DCT: variants seen among roughly 807,000 people sequenced by gnomAD.
DCT encodes the protein L-dopachrome tautomerase.
Under a neutral mutation model 53.0 loss-of-function variants are expected in DCT, and 47 were observed. The observed-to-expected ratio is 0.89, with a 90% CI of 0.70 to 1.13. The LOEUF (loss-of-function observed/expected upper bound fraction) is 1.13. Ranked by LOEUF, DCT falls within the 50% of genes most tolerant of loss-of-function variation. The probability of loss-of-function intolerance (pLI) is 0.00; values close to 1 mark genes in which losing one functional copy is unlikely to be tolerated. For synonymous variants in DCT, 244 were observed against 237.0 expected, an observed-to-expected ratio of 1.03 and a Z score of -0.27; for missense variants, 669 against 637.4, an observed-to-expected ratio of 1.05 and a Z score of -0.53.
In DCT at chr13:94,440,044, T is replaced by C; in HGVS notation, c.1414A>G (p.Thr472Ala). 6.2e-7 allele frequency: 1 copy of C among 1,613,052 alleles called. No homozygotes were observed. Among genetic ancestry groups the C allele is most frequent in the South Asian group, 1.1e-5 (1 of 90,958 alleles). The change falls in exon 8 of 8, where the codon ACT becomes GCT. Residue 472 changes from threonine to alanine, a missense_variant. Thr to Ala is a moderately conservative substitution (Grantham distance 58). Coordinates refer to ENST00000377028, the MANE Select transcript of DCT (RefSeq NM_001922.5). ...AGTGTTCCCATGACTACTAAGAGAG[T>C]TGTGGGCCAACCTGGAGTTTCTTCA... ...SVEETPGWPT[T>A]LLVVMGTLVA...
the DCT span, among the ~76,000 whole-genome samples, chr13:94,493,654 C>A: frequency 0.027 from 4,053 of 152,180 alleles, 167 homozygotes; most frequent in African/African-American, 0.093. Context: ...GGGCTACATA[C>A]GATATGATTC....
chr13:94,440,974 C>A (rs975073325), intron 7 of DCT, among the ~76,000 whole-genome samples: 1 of 152,104 alleles, frequency 6.6e-6, no homozygotes, highest in African/African-American at 2.4e-5. Flanking sequence ...AGCTACTGCA[C>A]CTGGCCGAAT....
rs1882042140 is a variant in DCT, at chr13:94,438,375, C to A, written c.*1523G>T. The A allele has an allele frequency of 4.2e-6, 1 of 235,586 alleles. No individual in the cohort carries two copies. Among genetic ancestry groups the A allele is most frequent in the African/African-American group, 2.3e-5 (1 of 43,542 alleles). 14.6% of individuals were successfully genotyped at this position (235,586 alleles called of 1,614,324 possible). On this transcript the variant is annotated 3_prime_UTR_variant, in exon 8 of 8. Transcript: ENST00000377028. ...AGCCTGCTCTCAGATGCACCTGTAG[C>A]TTTATGAGATTCAAATTCAGTTCCA...
intron 4 of DCT, among the ~76,000 whole-genome samples, 161 bp from the exon 5 acceptor site, chr13:94,462,350 A>C (rs1883869416): frequency 6.6e-6 from 1 of 151,982 alleles, no homozygotes. Flanking sequence ...AAATACAAAA[A>C]TTAGCTAGGC....
chr13:94,472,527 T>TAC, intron 1 of DCT, among the ~76,000 whole-genome samples: 1 of 7,138 alleles, frequency 1.4e-4, no homozygotes, highest in Non-Finnish European at 2.5e-4. Flanking sequence ...CATACATATA[T>TAC]ATATATATAT....
the DCT span, among the ~76,000 whole-genome samples, chr13:94,503,157 T>G: frequency 6.6e-6 from 1 of 152,074 alleles, no homozygotes; most frequent in African/African-American, 2.4e-5. Context: ...GGGCATGGAT[T>G]GCTTGAGTCC....
At chr13:94,457,685 A>G (rs1055529163) in intron 6 of DCT, among the ~76,000 whole-genome samples, 3 of 152,212 alleles carry the variant, frequency 2.0e-5, no homozygotes, top group African/African-American at 7.2e-5. Context: ...GAAGAGGTGA[A>G]ATTTCTTCTT....
chr13:94,487,845 A>G, the DCT span, among the ~76,000 whole-genome samples: 1 of 151,686 alleles, frequency 6.6e-6, no homozygotes, highest in African/African-American at 2.4e-5. Flanking sequence ...ATCTGTCCTG[A>G]TAAGAGTTTT....
At chr13:94,460,605 A>G (rs1475872849) in intron 5 of DCT, among the ~76,000 whole-genome samples, 1 of 152,044 alleles carries the variant, frequency 6.6e-6, no homozygotes, top group Non-Finnish European at 1.5e-5. Flanking sequence ...TGATATTTAT[A>G]TTTCTCAACC....
intron 4 of DCT, among the ~76,000 whole-genome samples, chr13:94,464,070 G>T (rs1883995098): frequency 6.6e-6 from 1 of 152,226 alleles, no homozygotes; most frequent in Non-Finnish European, 1.5e-5. Context: ...CTATTCCAAG[G>T]TATGGTGGGA....
chr13:94,544,729 A>C, the DCT span, among the ~76,000 whole-genome samples: 1 of 152,212 alleles, frequency 6.6e-6, no homozygotes, highest in East Asian at 1.9e-4. Flanking sequence ...TTTCTGGCCA[A>C]GGACTCAACA....
chr13:94,447,361 G>T (rs1182047280), intron 6 of DCT, among the ~76,000 whole-genome samples: 1 of 152,182 alleles, frequency 6.6e-6, no homozygotes, highest in Non-Finnish European at 1.5e-5. Flanking sequence ...GCAACCTAGG[G>T]CCCTCTCAGG....
the DCT span, among the ~76,000 whole-genome samples, chr13:94,496,489 C>T: frequency 5.3e-5 from 8 of 152,236 alleles, no homozygotes; most frequent in Non-Finnish European, 5.9e-5. Flanking sequence ...CCACCGCACC[C>T]GGCCGGATTC....
At chr13:94,547,962 CAAAA>C in the DCT span, among the ~76,000 whole-genome samples, 2 of 67,904 alleles carry the variant, frequency 2.9e-5, no homozygotes, top group Non-Finnish European at 4.7e-5. Flanking sequence ...AACTCCGTCT[CAAAA>C]AAAAAAAAAA....
chr13:94,465,445 T>TA (rs986604763), intron 4 of DCT, 188 bp downstream of exon 4: 47 of 343,104 alleles, frequency 1.4e-4, no homozygotes, highest in Non-Finnish European at 2.0e-4. Context: ...GTGATTTTGA[T>TA]ATTTTTTTTT....
At chr13:94,440,184 G>C (rs1882188242) in intron 7 of DCT, 108 bp from the exon 8 acceptor site, 2 of 766,950 alleles carry the variant, frequency 2.6e-6, no homozygotes, top group Admixed American at 5.7e-5. Context: ...TGTTGATAAA[G>C]CAAAACTACT....
chr13:94,455,852 T>G (rs1479278901), intron 6 of DCT, among the ~76,000 whole-genome samples: 3 of 152,226 alleles, frequency 2.0e-5, no homozygotes, highest in Non-Finnish European at 4.4e-5. Context: ...TATAACATAT[T>G]GGAGTACTGG....
At position 94,448,942 on chromosome 13, in the gene DCT, C is replaced by T. The variant is rs1441199701; in HGVS notation, c.1180-5305G>A. On this transcript the variant is annotated intron_variant, in intron 6 of 7. Coordinates refer to ENST00000377028, the MANE Select transcript of DCT (RefSeq NM_001922.5). ...TAATAATAAATAAATAAATTTGTAT[C>T]ATTGGTGCCTTTCATCTGCTCGAGG... is the stretch of plus-strand genomic sequence containing the variant. Among the ~76,000 whole-genome samples, 6 of 151,882 alleles carry T rather than the reference C, an allele frequency of 4.0e-5. No individual in the cohort carries two copies. The South Asian group carries it at 8.3e-4, about 21-fold the overall frequency.
chr13:94,489,028 T>G, the DCT span, among the ~76,000 whole-genome samples: 1 of 152,100 alleles, frequency 6.6e-6, no homozygotes, highest in African/African-American at 2.4e-5. Flanking sequence ...TGCCCATCTG[T>G]GTGTGTCAAT....
Sources: gnomAD v4.1 joint callset for allele counts (sites outside exome capture counted in the v4.1 genomes callset) on GRCh38, gnomAD v4.1.1 for gene constraint, MANE v1.5 for transcripts, NCBI Gene and HGNC (gene_info 2026-07-23, HGNC 2026-07-21) for gene names.